STUM: variants seen among roughly 807,000 people sequenced by gnomAD.
STUM encodes the protein stum, mechanosensory transduction mediator homolog.
STUM carries 8 observed loss-of-function variants against 15.3 expected under a neutral mutation model. The ratio of observed to expected loss-of-function variants is 0.52; its 90% confidence interval spans 0.31 to 0.94. The LOEUF (loss-of-function observed/expected upper bound fraction) is 0.94. Ranked by LOEUF, STUM falls within the 40% of genes least tolerant of loss-of-function variation. STUM has a pLI of 0.05. For missense variants in STUM, 142 were observed against 204.9 expected (o/e 0.69, Z 1.87); for synonymous variants, 78 against 88.7 (o/e 0.88, Z 0.68).
chr1:226,565,679 C>G lies in STUM; in HGVS notation c.202+16573C>G, dbSNP rs556218095. ...GAAGGTGCTAGGCGTGACTCCCTGC[C>G]CGGCTCCTGCCTGGGTAGTTCTGCA... On this transcript the variant is annotated intron_variant, in intron 1 of 3. Coordinates refer to ENST00000366788, the MANE Select transcript of STUM (RefSeq NM_001003665.4). The surrounding 1 kb of genome is among the most constrained non-coding windows in gnomAD (Gnocchi z 4.4). Among the ~76,000 whole-genome samples, 13 of 152,224 alleles carry G rather than the reference C, an allele frequency of 8.5e-5. No homozygotes were observed. In the South Asian group the frequency reaches 2.7e-3, roughly 32 times the overall value.
At chr1:226,568,105 A>G (rs1242627139) in intron 1 of STUM, among the ~76,000 whole-genome samples, 2 of 152,198 alleles carry the variant, frequency 1.3e-5, no homozygotes, top group Non-Finnish European at 2.9e-5. Flanking sequence ...AACTCAGAGC[A>G]CCAGCTCCAC....
chr1:226,585,219 C>T (rs1221856823), intron 1 of STUM, among the ~76,000 whole-genome samples: 2 of 152,154 alleles, frequency 1.3e-5, no homozygotes, highest in East Asian at 1.9e-4. Flanking sequence ...CACAAGTCAA[C>T]GTGAGAGCAG....
intron 2 of STUM, among the ~76,000 whole-genome samples, chr1:226,598,595 T>C (rs1381372892): frequency 6.6e-6 from 1 of 152,218 alleles, no homozygotes; most frequent in East Asian, 1.9e-4. Context: ...AGATGAGGCA[T>C]TGAGGCCCCA....
Position 226,602,469 on chromosome 1 carries a change from C to T in STUM, c.*429C>T. The T allele has an allele frequency of 5.8e-6, 1 of 171,562 alleles. No homozygotes were observed. Among genetic ancestry groups the T allele is most frequent in the African/African-American group, 2.4e-5 (1 of 42,248 alleles). The allele number at this position is 171,562 out of a possible 1,614,324, so 10.6% of individuals were successfully genotyped here. Reference sequence around the variant, plus strand: ...CTGTGGTAGACCCGTCCTGTGGGACCCCACCTGCCTCAAAATCTGGTGCCC... The same window carrying T: ...CTGTGGTAGACCCGTCCTGTGGGACTCCACCTGCCTCAAAATCTGGTGCCC... On this transcript the variant is annotated 3_prime_UTR_variant, in exon 4 of 4. Transcript: ENST00000366788.
At chr1:226,579,687 G>T (rs1485686701) in intron 1 of STUM, among the ~76,000 whole-genome samples, 2 of 150,134 alleles carry the variant, frequency 1.3e-5, no homozygotes, top group Non-Finnish European at 1.5e-5. Flanking sequence ...GGTGTGCAGT[G>T]GTGCAATCAT....
intron 1 of STUM, among the ~76,000 whole-genome samples, chr1:226,554,960 C>T (rs1263959072): frequency 6.6e-6 from 1 of 152,192 alleles, no homozygotes; most frequent in East Asian, 1.9e-4. Flanking sequence ...TCGCCAGTCT[C>T]CTCCAGGTTG....
At chr1:226,593,669 C>T (rs897903249) in intron 1 of STUM, among the ~76,000 whole-genome samples, 3 of 152,208 alleles carry the variant, frequency 2.0e-5, no homozygotes, top group African/African-American at 7.2e-5. Flanking sequence ...AGCTGGCTGT[C>T]CATCCGGCGA....
In STUM at chr1:226,609,211, C is replaced by A. The variant is rs1282275118; in HGVS notation, c.*7171C>A. The A allele has an allele frequency of 1.3e-5, 2 of 152,132 alleles. No individual in the cohort carries two copies. Among genetic ancestry groups the A allele is most frequent in the Non-Finnish European group, 2.9e-5 (2 of 68,018 alleles). The allele number at this position is 152,132 out of a possible 1,614,324, so 9.4% of individuals were successfully genotyped here. A position where few individuals can be genotyped will look rare whatever the true frequency, so the allele number is the denominator to read the frequency against. ...ATGTTGTAATAAACATTCATGTGACCTTTCTGGTAGTTTCTCAAATCCCTG... is the reference window on the plus strand; with the variant it reads ...ATGTTGTAATAAACATTCATGTGACATTTCTGGTAGTTTCTCAAATCCCTG... On this transcript the variant is annotated 3_prime_UTR_variant, in exon 4 of 4. Transcript: ENST00000366788.
intron 1 of STUM, among the ~76,000 whole-genome samples, chr1:226,589,939 A>T (rs1353433887): frequency 1.0e-4 from 12 of 119,170 alleles, no homozygotes; most frequent in Admixed American, 9.2e-4. Flanking sequence ...AGCTGGAGGA[A>T]TGTTAATTTT....
chr1:226,589,500 G>T (rs1668050616), intron 1 of STUM, among the ~76,000 whole-genome samples: 1 of 152,204 alleles, frequency 6.6e-6, no homozygotes, highest in South Asian at 2.1e-4. Flanking sequence ...AGTGATGGCA[G>T]CCAGGGCTCA....
chr1:226,559,743 G>A (rs926313874), intron 1 of STUM, among the ~76,000 whole-genome samples: 1 of 152,246 alleles, frequency 6.6e-6, no homozygotes, highest in African/African-American at 2.4e-5. Flanking sequence ...GGAGGCCAAG[G>A]TGGGAGGATC....
chr1:226,583,932 T>TG (rs1378124492), intron 1 of STUM, among the ~76,000 whole-genome samples: 2 of 152,162 alleles, frequency 1.3e-5, no homozygotes, highest in African/African-American at 4.8e-5. Flanking sequence ...CCCCCTCCAT[T>TG]GACATGTTGC....
At chr1:226,575,568 T>C (rs1667795923) in intron 1 of STUM, among the ~76,000 whole-genome samples, 1 of 152,106 alleles carries the variant, frequency 6.6e-6, no homozygotes, top group Non-Finnish European at 1.5e-5. Context: ...TAAGTGGCAG[T>C]GGGACTTTCT....
intron 1 of STUM, among the ~76,000 whole-genome samples, chr1:226,594,908 G>A (rs770984968): frequency 6.6e-6 from 1 of 152,150 alleles, no homozygotes; most frequent in Non-Finnish European, 1.5e-5. Context: ...TGCCCGCCTC[G>A]GCCTCCCAAA....
At chr1:226,596,706 G>A (rs1280082355) in intron 1 of STUM, 96 bp from the exon 2 acceptor site, 1 of 1,128,964 alleles carries the variant, frequency 8.9e-7, no homozygotes, top group Non-Finnish European at 1.3e-6. Context: ...CTGAGTTCTT[G>A]GAGGGTGGAC....
At chr1:226,586,756 G>A (rs985685165) in intron 1 of STUM, among the ~76,000 whole-genome samples, 5 of 152,172 alleles carry the variant, frequency 3.3e-5, no homozygotes, top group East Asian at 1.9e-4. Flanking sequence ...GATGGTAGCC[G>A]TGTTGTCTCC....
Position 226,555,223 on chromosome 1 carries a change from G to A in STUM, c.202+6117G>A, listed in dbSNP as rs563606098. ...CTCTTTTCTGCCTGTATTCACACCC[G>A]CAGTGATCTTGCCCAGCCTCTGGGC... is the stretch of plus-strand genomic sequence containing the variant. On this transcript the variant is annotated intron_variant, in intron 1 of 3. Transcript: ENST00000366788. Among the ~76,000 whole-genome samples the A allele has an allele frequency of 3.3e-5, 5 of 152,126 alleles. No individual in the cohort carries two copies. In the South Asian group the frequency reaches 8.3e-4, roughly 25 times the overall value.
intron 1 of STUM, among the ~76,000 whole-genome samples, chr1:226,588,811 C>T (rs1352745421): frequency 2.0e-5 from 3 of 152,184 alleles, no homozygotes; most frequent in Non-Finnish European, 4.4e-5. Context: ...ACTAGGCAGC[C>T]CTTGGCAATG....
At position 226,602,193 on chromosome 1, in the gene STUM, C is replaced by A; in HGVS notation, c.*153C>A. 3.2e-6 allele frequency: 2 copies of A among 625,456 alleles called. No individual in the cohort carries two copies. The highest frequency in any genetic ancestry group is 5.6e-5 in the Admixed American group (2 of 35,596). 38.7% of individuals were successfully genotyped at this position (625,456 alleles called of 1,614,324 possible). A position where few individuals can be genotyped will look rare whatever the true frequency, so the allele number is the denominator to read the frequency against. ...TTAAAAATATTATTTATTTTGAAAACGCATCTGCTTTTCTCAGCAGGTTGT... is the reference window on the plus strand; with the variant it reads ...TTAAAAATATTATTTATTTTGAAAAAGCATCTGCTTTTCTCAGCAGGTTGT... On this transcript the variant is annotated 3_prime_UTR_variant, in exon 4 of 4. Transcript: ENST00000366788.
Sources: gnomAD v4.1 joint callset for allele counts (sites outside exome capture counted in the v4.1 genomes callset) on GRCh38, gnomAD v4.1.1 for gene constraint, Gnocchi (gnomAD v3.1) non-coding constraint, MANE v1.5 for transcripts, NCBI Gene and HGNC (gene_info 2026-07-23, HGNC 2026-07-21) for gene names.